Variants in ZC3H12A observed in about 807,000 individuals in gnomAD.
The protein encoded by ZC3H12A is zinc finger CCCH-type containing 12A.
Under a neutral mutation model 29.9 loss-of-function variants are expected in ZC3H12A, and 9 were observed. The observed-to-expected ratio is 0.30, with a 90% CI of 0.18 to 0.53. The LOEUF is 0.53. ZC3H12A is among the 20% of genes least tolerant of loss of function. The pLI is 0.96. For synonymous variants in ZC3H12A, 323 were observed against 338.1 expected, an observed-to-expected ratio of 0.96 and a Z score of 0.49; for missense variants, 617 against 799.0, an observed-to-expected ratio of 0.77 and a Z score of 2.75.
In ZC3H12A at chr1:37,476,190, G is replaced by T. The variant is rs949014646; in HGVS notation, c.443+251G>T. On this transcript the variant is annotated intron_variant, in intron 2 of 5. Coordinates refer to ENST00000373087, the MANE Select transcript of ZC3H12A (RefSeq NM_025079.3). This position sits in a 1 kb window ranked among gnomAD's most constrained non-coding sequence, Gnocchi z 6.0. ...CCTTATGCTGTGGGTCCCTCCCTGA[G>T]GCCAGCACTGTGTCTCCACTCCTCT... 6.6e-6 allele frequency among the ~76,000 whole-genome samples: 1 copy of T among 152,174 alleles called. No homozygotes were observed. Among genetic ancestry groups the T allele is most frequent in the African/African-American group, 2.4e-5 (1 of 41,442 alleles).
Position 37,482,538 on chromosome 1 carries a change from A to G in ZC3H12A, c.923A>G (p.Tyr308Cys). ...GAGCACAGGAAGCAGCCGTGTCCCT[A>G]TGGTATGGAACCCAGCCTGCCCTCC... is the stretch of plus-strand genomic sequence containing the variant. ...TLEHRKQPCP[Y>C]GRKCTYGIKC... The change falls in exon 5 of 6, where the codon TAT (tyrosine) becomes TGT (cysteine). Residue 308 changes from tyrosine (Y) to cysteine (C), a missense_variant and splice_region_variant. By Grantham distance (194) the Tyr-to-Cys change is radical. This residue lies in a region of ZC3H12A where 255 missense variants were observed against 402.5 expected (regional missense o/e 0.63). Transcript: ENST00000373087. 6.2e-7 allele frequency: 1 copy of G among 1,613,944 alleles called. No homozygotes were observed. The highest frequency in any genetic ancestry group is 8.5e-7 in the Non-Finnish European group (1 of 1,179,946).
At position 37,482,942 on chromosome 1, in the gene ZC3H12A, T is replaced by C. The variant is rs754265986; in HGVS notation, c.1131T>C (p.Asp377=). Reference sequence around the variant, plus strand: ...CAGAGAGTGAGCAGTGCAGCCTGGATGGGAAGAAGCTGGGGGCCCAGGCAT... The same window carrying C: ...CAGAGAGTGAGCAGTGCAGCCTGGACGGGAAGAAGCTGGGGGCCCAGGCAT... ...LLTESEQCSL[D]GKKLGAQASP... The change falls in exon 6 of 6, where the codon GAT becomes GAC. Residue 377 remains aspartate (D), a synonymous_variant. Coordinates refer to ENST00000373087, the MANE Select transcript of ZC3H12A (RefSeq NM_025079.3). 5.6e-6 allele frequency: 9 copies of C among 1,613,172 alleles called. No homozygotes were observed. Among genetic ancestry groups the C allele is most frequent in the Non-Finnish European group, 6.8e-6 (8 of 1,179,902 alleles).
rs1252306591 is a variant in ZC3H12A, at chr1:37,483,000, A to T, written c.1189A>T (p.Thr397Ser). The T allele has an allele frequency of 6.2e-7, 1 of 1,609,778 alleles. No individual in the cohort carries two copies. The highest frequency in any genetic ancestry group is 1.3e-5 in the African/African-American group (1 of 74,796). The change falls in exon 6 of 6, where the codon ACC becomes TCC. Residue 397 changes from threonine to serine, a missense_variant. Around this residue, in one of 5 missense-constraint regions of ZC3H12A, gnomAD observed 115 missense variants for 112.5 expected, o/e 1.02. Coordinates refer to ENST00000373087, the MANE Select transcript of ZC3H12A (RefSeq NM_025079.3). ...PGSRQEGLTQTYAPSGRSLAP... is the reference protein window; with the variant it reads ...PGSRQEGLTQSYAPSGRSLAP... ...GTCCCGCCAAGAGGGTCTAACACAGACCTATGCCCCATCAGGCAGGAGCCT... is the reference window on the plus strand; with the variant it reads ...GTCCCGCCAAGAGGGTCTAACACAGTCCTATGCCCCATCAGGCAGGAGCCT...
intron 4 of ZC3H12A, 109 bp downstream of exon 4, chr1:37,481,944 A>C: frequency 8.6e-7 from 1 of 1,160,020 alleles, no homozygotes; most frequent in Non-Finnish European, 1.2e-6. Context: ...CCCTGTGGCC[A>C]TGGGAGGTTG....
Position 37,482,847 on chromosome 1 carries a change from C to T in ZC3H12A, c.1036C>T (p.Pro346Ser). Residue 346 changes from proline to serine, a missense_variant, in exon 6 of 6, where the codon CCC becomes TCC. This residue lies in a region of ZC3H12A where 115 missense variants were observed against 112.5 expected (regional missense o/e 1.02). Coordinates refer to ENST00000373087, the MANE Select transcript of ZC3H12A (RefSeq NM_025079.3). ...ELRANALLSP[P>S]RAPSKDKNGR... ...CCGTGCCAATGCTCTCCTCTCACCC[C>T]CCAGAGCCCCAAGCAAGGACAAAAA... 2 of 1,614,020 alleles carry T rather than the reference C, an allele frequency of 1.2e-6. No individual in the cohort carries two copies. Among genetic ancestry groups the T allele is most frequent in the East Asian group, 2.2e-5 (1 of 44,878 alleles).
Position 37,483,051 on chromosome 1 carries a change from A to C in ZC3H12A, c.1240A>C (p.Ser414Arg). 6.2e-7 allele frequency: 1 copy of C among 1,607,958 alleles called. No individual in the cohort carries two copies. Among genetic ancestry groups the C allele is most frequent in the Non-Finnish European group, 8.5e-7 (1 of 1,177,564 alleles). The change falls in exon 6 of 6, where the codon AGC becomes CGC. Residue 414 changes from serine (S) to arginine (R), a missense_variant. By Grantham distance (110) the Ser-to-Arg change is moderately radical. Transcript: ENST00000373087. ...SLAPSGGSGS[S>R]FGPTDWLPQT... ...CGCACCTAGCGGGGGCAGTGGCAGC[A>C]GCTTTGGGCCCACAGACTGGCTCCC...
At chr1:37,481,206 C>T (rs1641694507) in intron 3 of ZC3H12A, among the ~76,000 whole-genome samples, 1 of 152,212 alleles carries the variant, frequency 6.6e-6, no homozygotes, top group Non-Finnish European at 1.5e-5. Flanking sequence ...ATGCAAGGGA[C>T]AGAGCCAAGA....
At chr1:37,481,878 G>A (rs1406455320) in intron 4 of ZC3H12A, 43 bp downstream of exon 4, 4 of 1,577,552 alleles carry the variant, frequency 2.5e-6, no homozygotes, top group Admixed American at 3.7e-5. Context: ...GGGGTCCACA[G>A]GGGAAGCCAG....
rs1641560006 is a variant in ZC3H12A at position 37,475,318 on chromosome 1, A to G, written c.-38-141A>G. 1 of 658,454 alleles carries G rather than the reference A, an allele frequency of 1.5e-6. No homozygotes were observed. The allele number at this position is 658,454 out of a possible 1,614,324, so 40.8% of individuals were successfully genotyped here. A position where few individuals can be genotyped will look rare whatever the true frequency, so the allele number is the denominator to read the frequency against. On this transcript the variant is annotated intron_variant, in intron 1 of 5. Coordinates refer to ENST00000373087, the MANE Select transcript of ZC3H12A (RefSeq NM_025079.3). The surrounding 1 kb of genome is among the most constrained non-coding windows in gnomAD (Gnocchi z 5.2). ...ATGGGAATGGGAATGCCTAGCTGGGAGAGCTTTTGAGAGGACAACCTGAAC... is the reference window on the plus strand; with the variant it reads ...ATGGGAATGGGAATGCCTAGCTGGGGGAGCTTTTGAGAGGACAACCTGAAC...
chr1:37,475,041 G>A lies in ZC3H12A; in HGVS notation c.-39+412G>A, dbSNP rs1641553268. On this transcript the variant is annotated intron_variant, in intron 1 of 5. Transcript: ENST00000373087. The surrounding 1 kb of genome is among the most constrained non-coding windows in gnomAD (Gnocchi z 5.2). ...TGGGCCTGAGCTCTGAGTGCCGGAC[G>A]GGTGGGCGAAAGTGGTGGCCTCAGT... Among the ~76,000 whole-genome samples the A allele has an allele frequency of 6.6e-6, 1 of 152,210 alleles. No homozygotes were observed.
In ZC3H12A at chr1:37,481,835, A is replaced by C. The variant is rs1557595186; in HGVS notation, c.818A>C (p.Lys273Thr). 2 of 1,613,026 alleles carry C rather than the reference A, an allele frequency of 1.2e-6. No individual in the cohort carries two copies. Among genetic ancestry groups the C allele is most frequent in the Admixed American group, 3.3e-5 (2 of 59,804 alleles). Residue 273 changes from lysine to threonine, a missense_variant and splice_region_variant, in exon 4 of 6, where the codon AAG becomes ACG. Physicochemically the swap from Lys to Thr is moderately conservative, Grantham distance 78. Around this residue, in one of 5 missense-constraint regions of ZC3H12A, gnomAD observed 255 missense variants for 402.5 expected, o/e 0.63. Transcript: ENST00000373087. ...RLLMYSFVNDKFMPPDDPLGR... is the reference protein window; with the variant it reads ...RLLMYSFVNDTFMPPDDPLGR... ...CTCATGTACTCCTTCGTCAATGACAAGTATGTTCCCTCCCAGAGGCCCTGA... is the reference window on the plus strand; with the variant it reads ...CTCATGTACTCCTTCGTCAATGACACGTATGTTCCCTCCCAGAGGCCCTGA...
Position 37,479,868 on chromosome 1 carries a change from C to T in ZC3H12A, c.444-422C>T. On this transcript the variant is annotated intron_variant, in intron 2 of 5. Coordinates refer to ENST00000373087, the MANE Select transcript of ZC3H12A (RefSeq NM_025079.3). The surrounding 1 kb of genome is among the most constrained non-coding windows in gnomAD (Gnocchi z 4.5). ...TGTACATCTGTCCCTGTGGTCCCGGCAGCTCGCCGGGTGGGGCAGGAACCA... is the reference window on the plus strand; with the variant it reads ...TGTACATCTGTCCCTGTGGTCCCGGTAGCTCGCCGGGTGGGGCAGGAACCA... 9.9e-7 allele frequency: 1 copy of T among 1,005,418 alleles called. No homozygotes were observed. The highest frequency in any genetic ancestry group is 1.2e-6 in the Non-Finnish European group (1 of 841,456). The allele number at this position is 1,005,418 out of a possible 1,614,324, so 62.3% of individuals were successfully genotyped here. A position where few individuals can be genotyped will look rare whatever the true frequency, so the allele number is the denominator to read the frequency against.
Position 37,483,881 on chromosome 1 carries a change from G to A in ZC3H12A, c.*270G>A, listed in dbSNP as rs550363156. The A allele has an allele frequency of 5.0e-5, 22 of 439,702 alleles. No individual in the cohort carries two copies. Among genetic ancestry groups the A allele is most frequent in the South Asian group, 2.9e-4 (6 of 20,844 alleles). The allele number at this position is 439,702 out of a possible 1,614,324, so 27.2% of individuals were successfully genotyped here. On this transcript the variant is annotated 3_prime_UTR_variant, in exon 6 of 6. Transcript: ENST00000373087. ...CTCTGTAGTTTAAGGAGACGCTGCC[G>A]GTAACGGCGTCGGTCCGTGGCTGAG... is the stretch of plus-strand genomic sequence containing the variant.
At position 37,475,878 on chromosome 1, in the gene ZC3H12A, G is replaced by A. The variant is rs1285117795; in HGVS notation, c.382G>A (p.Glu128Lys). The stretch of plus-strand genomic sequence containing the variant: ...CAACCTGGAGCCTCCACTCCCAGAA[G>A]AGGAAAAGGAGGGCAGCGACCTGAG... ...APNLEPPLPE[E>K]EKEGSDLRPV... is the part of the protein sequence containing the mutation. The change falls in exon 2 of 6, where the codon GAG (glutamate) becomes AAG (lysine). Residue 128 changes from glutamate (E) to lysine (K), a missense_variant. Glu to Lys is a moderately conservative substitution (Grantham distance 56). Coordinates refer to ENST00000373087, the MANE Select transcript of ZC3H12A (RefSeq NM_025079.3). This position sits in a 1 kb window ranked among gnomAD's most constrained non-coding sequence, Gnocchi z 5.2. The A allele has an allele frequency of 6.5e-7, 1 of 1,548,644 alleles. No individual in the cohort carries two copies. Among genetic ancestry groups the A allele is most frequent in the African/African-American group, 1.4e-5 (1 of 72,838 alleles).
chr1:37,479,751 T>C lies in ZC3H12A; in HGVS notation c.444-539T>C. 1 of 985,320 alleles carries C rather than the reference T, an allele frequency of 1.0e-6. No homozygotes were observed. 61.0% of individuals were successfully genotyped at this position (985,320 alleles called of 1,614,324 possible). ...AGGACTGAACTTTAATCCGGAACAA[T>C]CTGGTTTCTCCTCGGTCAGCCCAGC... On this transcript the variant is annotated intron_variant, in intron 2 of 5. Coordinates refer to ENST00000373087, the MANE Select transcript of ZC3H12A (RefSeq NM_025079.3). The surrounding 1 kb of genome is among the most constrained non-coding windows in gnomAD (Gnocchi z 4.5).
chr1:37,482,692 T>C, intron 5 of ZC3H12A, 45 bp from the exon 6 acceptor site: 1 of 1,612,406 alleles, frequency 6.2e-7, no homozygotes, highest in Non-Finnish European at 8.5e-7. Context: ...TCATCCCTGG[T>C]TCTGAAGTGC....
At position 37,475,215 on chromosome 1, in the gene ZC3H12A, T is replaced by C. The variant is rs1641558253; in HGVS notation, c.-38-244T>C. On this transcript the variant is annotated intron_variant, in intron 1 of 5. Transcript: ENST00000373087. The surrounding 1 kb of genome is among the most constrained non-coding windows in gnomAD (Gnocchi z 5.2). ...AGTCTTAGTTCAGACTAAGTTCCGA[T>C]CTTCGAGCCACCAGCTAACAGCTGG... Among the ~76,000 whole-genome samples, 1 of 152,244 alleles carries C rather than the reference T, an allele frequency of 6.6e-6. No individual in the cohort carries two copies. The highest frequency in any genetic ancestry group is 1.5e-5 in the Non-Finnish European group (1 of 68,046).
chr1:37,481,254 C>T (rs11589893), intron 3 of ZC3H12A, among the ~76,000 whole-genome samples: 14,056 of 152,284 alleles, frequency 0.092, 763 homozygotes, highest in Non-Finnish European at 0.12. Context: ...GGCTCATTCA[C>T]GGACCCCTCA....
rs757257308 is a variant in ZC3H12A, at chr1:37,482,488, C to T, written c.873C>T (p.Phe291=). ...LGRHGPSLDN[F]LRKKPLTLEH... is the part of the protein sequence containing the mutation. The stretch of plus-strand genomic sequence containing the variant: ...GGCACGGGCCCAGCCTGGACAACTT[C>T]CTGCGTAAGAAGCCACTCACTTTGG... Residue 291 remains phenylalanine (F), a synonymous_variant, in exon 5 of 6, where the codon TTC becomes TTT. Coordinates refer to ENST00000373087, the MANE Select transcript of ZC3H12A (RefSeq NM_025079.3). The T allele has an allele frequency of 1.4e-5, 22 of 1,614,164 alleles. No individual in the cohort carries two copies. The South Asian group carries it at 2.4e-4, about 18-fold the overall frequency.
Sources: gnomAD v4.1 joint callset for allele counts (sites outside exome capture counted in the v4.1 genomes callset) on GRCh38, gnomAD v4.1.1 for gene constraint, gnomAD v4.1.1 regional missense constraint, Gnocchi (gnomAD v3.1) non-coding constraint, MANE v1.5 for transcripts, NCBI Gene and HGNC (gene_info 2026-07-23, HGNC 2026-07-21) for gene names.